SLC12A6: variants seen among roughly 807,000 people sequenced by gnomAD.
The protein encoded by SLC12A6 is K-Cl cotransporter 3.
SLC12A6 carries 66 observed loss-of-function variants against 135.3 expected under a neutral mutation model. The observed-to-expected ratio is 0.49, with a 90% CI of 0.40 to 0.60. SLC12A6 has a LOEUF of 0.60. Ranked by LOEUF, SLC12A6 falls within the 20% of genes least tolerant of loss-of-function variation. The probability of loss-of-function intolerance (pLI) is 0.00; values close to 1 mark genes in which losing one functional copy is unlikely to be tolerated. For missense variants in SLC12A6, 1,058 were observed against 1,452.3 expected (o/e 0.73, Z 4.41); for synonymous variants, 513 against 508.8 (o/e 1.01, Z -0.11).
intron 10 of SLC12A6, among the ~76,000 whole-genome samples, chr15:34,251,925 G>A (rs1878704618): frequency 6.6e-6 from 1 of 152,300 alleles, no homozygotes; most frequent in Non-Finnish European, 1.5e-5. Context: ...AAAGTGATTT[G>A]CTCAACTCTG....
In SLC12A6 at chr15:34,252,371, C is replaced by G; in HGVS notation, c.1132G>C (p.Gly378Arg). The G allele has an allele frequency of 6.2e-7, 1 of 1,605,984 alleles. No individual in the cohort carries two copies. Residue 378 changes from glycine to arginine, a missense_variant, in exon 10 of 26, where the codon GGT (glycine) becomes CGT (arginine). Around this residue, in one of 6 missense-constraint regions of SLC12A6, gnomAD observed 297 missense variants for 318.5 expected, o/e 0.93. Coordinates refer to ENST00000354181, the MANE Select transcript of SLC12A6 (RefSeq NM_001365088.1). ...TGTCTTGATGAAAGGGTGCGGTTACCCAGCATGCAGACCCTAAGTGAAAAG... is the reference window on the plus strand; with the variant it reads ...TGTCTTGATGAAAGGGTGCGGTTACGCAGCATGCAGACCCTAAGTGAAAAG... ...APPHFPVCML[G>R]NRTLSSRHID...
intron 6 of SLC12A6, among the ~76,000 whole-genome samples, chr15:34,257,386 G>T (rs1197130317): frequency 1.3e-5 from 2 of 152,170 alleles, no homozygotes; most frequent in Admixed American, 6.5e-5. Flanking sequence ...TCTGAAGACA[G>T]GAACTTTATC....
chr15:34,302,927 G>A, intron 2 of SLC12A6, among the ~76,000 whole-genome samples: 1 of 148,156 alleles, frequency 6.7e-6, no homozygotes, highest in Admixed American at 6.7e-5. Context: ...TTCAGCCTGG[G>A]TGACAGACGG....
At position 34,252,192 on chromosome 15, in the gene SLC12A6, T is replaced by A; in HGVS notation, c.1311A>T (p.Gly437=). ...NNVTSIQGIP[G]LASGIITENL... ...TACCTGTAATTATACCACTAGCCAA[T>A]CCAGGAATGCCCTGGATTGAAGTGA... is the stretch of plus-strand genomic sequence containing the variant. The change falls in exon 10 of 26, where the codon GGA becomes GGT. Residue 437 remains glycine, a synonymous_variant. Transcript: ENST00000354181. 6.3e-7 allele frequency: 1 copy of A among 1,596,906 alleles called. No individual in the cohort carries two copies. Among genetic ancestry groups the A allele is most frequent in the Non-Finnish European group, 8.6e-7 (1 of 1,164,484 alleles).
intron 2 of SLC12A6, among the ~76,000 whole-genome samples, chr15:34,330,412 C>T (rs1474398427): frequency 1.3e-5 from 2 of 152,124 alleles, no homozygotes; most frequent in African/African-American, 4.8e-5. Context: ...GTGGCTCACG[C>T]CTGTAATCCT....
At chr15:34,314,389 C>T (rs2141093829) in intron 2 of SLC12A6, among the ~76,000 whole-genome samples, 1 of 152,090 alleles carries the variant, frequency 6.6e-6, no homozygotes, top group Admixed American at 6.5e-5. Flanking sequence ...ACCTACTGCC[C>T]AGGAAAAAAA....
chr15:34,245,278 C>A lies in SLC12A6; in HGVS notation c.1943+7G>T, dbSNP rs1479757414. 6 of 1,363,256 alleles carry A rather than the reference C, an allele frequency of 4.4e-6. No individual in the cohort carries two copies. The highest frequency in any genetic ancestry group is 6.3e-6 in the Non-Finnish European group (6 of 950,654). The allele number at this position is 1,363,256 out of a possible 1,614,324, so 84.4% of individuals were successfully genotyped here. ...AAGAATAACTGAAGAGAATCACTGGCTCTTACATGGAAAGAATTGGGGCCA... is the reference window on the plus strand; with the variant it reads ...AAGAATAACTGAAGAGAATCACTGGATCTTACATGGAAAGAATTGGGGCCA... On this transcript the variant is annotated splice_region_variant and intron_variant, in intron 15 of 25. Coordinates refer to ENST00000354181, the MANE Select transcript of SLC12A6 (RefSeq NM_001365088.1).
intron 3 of SLC12A6, among the ~76,000 whole-genome samples, chr15:34,262,412 C>T (rs148130562): frequency 4.1e-4 from 63 of 151,834 alleles, no homozygotes; most frequent in African/African-American, 1.5e-3. Context: ...ATTCTCCGCC[C>T]TCCTCACCCT....
intron 2 of SLC12A6, among the ~76,000 whole-genome samples, chr15:34,309,396 G>A (rs1341752193): frequency 6.6e-6 from 1 of 152,012 alleles, no homozygotes; most frequent in Non-Finnish European, 1.5e-5. Flanking sequence ...TAAGCAATAT[G>A]CATATTTTAT....
intron 15 of SLC12A6, 100 bp from the exon 16 acceptor site, chr15:34,244,172 CAACT>C (rs1300497341): frequency 4.4e-5 from 34 of 773,822 alleles, no homozygotes; most frequent in Admixed American, 1.9e-4. Context: ...TGTTTCTAGA[CAACT>C]AACCCTTGAT....
chr15:34,241,364 C>T, intron 17 of SLC12A6, 27 bp from the exon 18 acceptor site: 1 of 1,184,054 alleles, frequency 8.4e-7, no homozygotes, highest in Non-Finnish European at 1.3e-6. Context: ...AGAGCAGAGA[C>T]AAATTTAAAC....
chr15:34,320,298 A>G (rs1029256950), intron 2 of SLC12A6, among the ~76,000 whole-genome samples: 2 of 152,288 alleles, frequency 1.3e-5, no homozygotes, highest in African/African-American at 2.4e-5. Flanking sequence ...TATATACAAC[A>G]GAATACGATT....
intron 2 of SLC12A6, among the ~76,000 whole-genome samples, chr15:34,291,218 T>C (rs1895500633): frequency 6.6e-6 from 1 of 152,174 alleles, no homozygotes; most frequent in Non-Finnish European, 1.5e-5. Context: ...CTGTAAAGGA[T>C]TTTATTTCTC....
chr15:34,318,178 T>G (rs1888784104), intron 2 of SLC12A6, among the ~76,000 whole-genome samples: 1 of 152,236 alleles, frequency 6.6e-6, no homozygotes, highest in African/African-American at 2.4e-5. Flanking sequence ...TGTAAACTGC[T>G]AAGTTTAAAT....
At chr15:34,289,167 C>T (rs932232524) in intron 2 of SLC12A6, among the ~76,000 whole-genome samples, 1 of 152,144 alleles carries the variant, frequency 6.6e-6, no homozygotes, top group Non-Finnish European at 1.5e-5. Flanking sequence ...CCATCAATAC[C>T]TAGTTTATTC....
intron 16 of SLC12A6, 89 bp from the exon 17 acceptor site, chr15:34,242,310 GTAT>G: frequency 1.1e-6 from 1 of 926,580 alleles, no homozygotes; most frequent in Non-Finnish European, 1.7e-6. Flanking sequence ...CTGTGGTGAG[GTAT>G]TATTTTTTAA....
intron 3 of SLC12A6, among the ~76,000 whole-genome samples, chr15:34,261,433 G>A (rs1305205109): frequency 2.0e-5 from 3 of 152,036 alleles, no homozygotes; most frequent in Non-Finnish European, 2.9e-5. Flanking sequence ...GTAGCTGGGA[G>A]TACAGGCACG....
intron 2 of SLC12A6, among the ~76,000 whole-genome samples, chr15:34,295,050 T>C (rs1895791119): frequency 6.6e-6 from 1 of 152,236 alleles, no homozygotes; most frequent in East Asian, 1.9e-4. Flanking sequence ...GAAAGAATTA[T>C]CAACAGTTAG....
At chr15:34,261,672 T>C (rs761970154) in intron 3 of SLC12A6, among the ~76,000 whole-genome samples, 6 of 152,220 alleles carry the variant, frequency 3.9e-5, no homozygotes. Context: ...GGTATAATAC[T>C]GTGTTAGATG....
Sources: allele counts gnomAD v4.1 joint callset (sites outside exome capture counted in the v4.1 genomes callset), GRCh38; gene constraint gnomAD v4.1.1; regional missense constraint gnomAD v4.1.1; transcripts MANE v1.5; gene names NCBI Gene and HGNC (gene_info 2026-07-23, HGNC 2026-07-21).